Variants in PRH1 observed in about 807,000 individuals in gnomAD.
The protein encoded by PRH1 is salivary acidic proline-rich phosphoprotein 1/2.
Under a neutral mutation model 7.9 loss-of-function variants are expected in PRH1, and 7 were observed. The observed-to-expected ratio is 0.89, with a 90% CI of 0.50 to 1.67. The LOEUF (loss-of-function observed/expected upper bound fraction) is 1.67, where lower values mean the gene tolerates loss of function less well. Among genes scored for constraint, PRH1 ranks in the 40% most tolerant of loss-of-function variants. PRH1 has a pLI of 0.00. For synonymous variants in PRH1, 45 were observed against 80.8 expected, an observed-to-expected ratio of 0.56 and a Z score of 2.38; for missense variants, 109 against 223.6, an observed-to-expected ratio of 0.49 and a Z score of 3.27.
intron 1 of PRH1, among the ~76,000 whole-genome samples, chr12:11,154,774 T>C (rs1947203095): frequency 6.6e-6 from 1 of 152,120 alleles, no homozygotes; most frequent in South Asian, 2.1e-4. Context: ...CTTTTAAAAA[T>C]TGCATTTCTT....
rs563069798 is a variant in PRH1, at chr12:11,064,865, G to A, written n.124-17677C>T. 2.0e-5 allele frequency among the ~76,000 whole-genome samples: 3 copies of A among 152,014 alleles called. No individual in the cohort carries two copies. In the South Asian group the frequency reaches 6.2e-4, roughly 32 times the overall value. On this transcript the variant is annotated intron_variant and non_coding_transcript_variant, in intron 1 of 4. Transcript: ENST00000541977. ...AGGAACACCCAGGAGTTCAAGACCA[G>A]CCTGTGCAACACAGCGAAACTGTGT...
At chr12:10,969,639 G>GT (rs912408643) in intron 2 of PRH1, among the ~76,000 whole-genome samples, 1 of 151,086 alleles carries the variant, frequency 6.6e-6, no homozygotes, top group Non-Finnish European at 1.5e-5. Flanking sequence ...TGGTTTTTCT[G>GT]TTTTTTTGTT....
intron 2 of PRH1, among the ~76,000 whole-genome samples, chr12:10,956,165 A>C (rs1937944944): frequency 6.6e-6 from 1 of 152,172 alleles, no homozygotes; most frequent in South Asian, 2.1e-4. Context: ...AGATTTAAAA[A>C]AAACACTCCA....
chr12:10,985,681 A>G (rs181812383), intron 1 of PRH1, among the ~76,000 whole-genome samples: 1 of 152,270 alleles, frequency 6.6e-6, no homozygotes, highest in African/African-American at 2.4e-5. Flanking sequence ...CATATTTTCT[A>G]TAATTTGGCA....
chr12:10,926,146 CA>C (rs1950119629), intron 2 of PRH1, among the ~76,000 whole-genome samples: 1 of 152,060 alleles, frequency 6.6e-6, no homozygotes, highest in Non-Finnish European at 1.5e-5. Flanking sequence ...AGTTTTTAGA[CA>C]AGTCAAAGCA....
At chr12:10,936,020 A>T (rs183590396) in intron 2 of PRH1, among the ~76,000 whole-genome samples, 7 of 152,208 alleles carry the variant, frequency 4.6e-5, no homozygotes, top group African/African-American at 1.4e-4. Flanking sequence ...GGGGTAATGG[A>T]GTAGGCTCTG....
intron 1 of PRH1, among the ~76,000 whole-genome samples, chr12:11,100,215 T>C (rs1247163923): frequency 1.3e-5 from 2 of 152,174 alleles, no homozygotes; most frequent in African/African-American, 4.8e-5. Context: ...AACAGTCAAC[T>C]AACCCTTATA....
intron 2 of PRH1, among the ~76,000 whole-genome samples, chr12:10,925,569 A>G (rs1179587401): frequency 6.6e-6 from 1 of 152,250 alleles, no homozygotes; most frequent in Non-Finnish European, 1.5e-5. Flanking sequence ...CAAAAAACGA[A>G]TAAATTTGTA....
intron 1 of PRH1, among the ~76,000 whole-genome samples, chr12:11,024,918 T>C (rs942562193): frequency 2.0e-5 from 3 of 152,248 alleles, no homozygotes; most frequent in Non-Finnish European, 4.4e-5. Flanking sequence ...TTTATTGCTA[T>C]TTGCATATAT....
chr12:11,026,939 T>C (rs1941945036), intron 1 of PRH1, among the ~76,000 whole-genome samples: 2 of 152,234 alleles, frequency 1.3e-5, no homozygotes, highest in African/African-American at 4.8e-5. Context: ...TTAATTTACA[T>C]TTTTTAAAAC....
chr12:11,091,320 C>G, intron 1 of PRH1: 1 of 1,245,866 alleles, frequency 8.0e-7, no homozygotes, highest in South Asian at 1.2e-5. Flanking sequence ...GAAGTCTTCT[C>G]TCCTTTCACC....
At chr12:10,932,016 T>C (rs1165856162) in intron 2 of PRH1, among the ~76,000 whole-genome samples, 1 of 152,212 alleles carries the variant, frequency 6.6e-6, no homozygotes, top group Non-Finnish European at 1.5e-5. Flanking sequence ...ATAATCGTTT[T>C]TCGTCCTCAT....
chr12:11,136,245 T>C (rs1946550529), intron 1 of PRH1, among the ~76,000 whole-genome samples: 1 of 152,374 alleles, frequency 6.6e-6, no homozygotes, highest in South Asian at 2.1e-4. Context: ...CTACATGTTC[T>C]TGTTGTTTGT....
intron 1 of PRH1, among the ~76,000 whole-genome samples, chr12:11,143,594 C>T (rs897242436): frequency 2.0e-5 from 3 of 152,008 alleles, no homozygotes; most frequent in Non-Finnish European, 2.9e-5. Flanking sequence ...ATAAGAAACA[C>T]AATTCGCCTA....
chr12:11,103,560 G>A (rs909212861), intron 1 of PRH1, among the ~76,000 whole-genome samples: 4 of 151,498 alleles, frequency 2.6e-5, no homozygotes, highest in Non-Finnish European at 5.9e-5. Flanking sequence ...GAGGAGGGAG[G>A]GATAGCATTA....
intron 2 of PRH1, among the ~76,000 whole-genome samples, chr12:10,916,797 C>T (rs1949977934): frequency 6.6e-6 from 1 of 151,916 alleles, no homozygotes; most frequent in Non-Finnish European, 1.5e-5. Flanking sequence ...CCTCTAATCC[C>T]AGCATTTTGG....
intron 1 of PRH1, among the ~76,000 whole-genome samples, chr12:11,093,727 T>C (rs1459610971): frequency 8.7e-6 from 1 of 115,338 alleles, no homozygotes; most frequent in East Asian, 2.1e-4. Flanking sequence ...AATTCAATCA[T>C]TTCACTTATT....
intron 1 of PRH1, among the ~76,000 whole-genome samples, chr12:11,128,553 T>A (rs1242350962): frequency 6.6e-6 from 1 of 152,176 alleles, no homozygotes; most frequent in East Asian, 1.9e-4. Flanking sequence ...AAATCCAGCA[T>A]GGCCAACATG....
chr12:10,934,415 G>A lies in PRH1; in HGVS notation c.-59+39240C>T, dbSNP rs185601387. On this transcript the variant is annotated intron_variant, in intron 2 of 3. Coordinates refer to the PRH1 transcript ENST00000539853. Reference sequence around the variant, plus strand: ...TTCACATCTTGACCCAGTCAATTCCGTTCACCAGTGTTATGAATCCATTCC... The same window carrying A: ...TTCACATCTTGACCCAGTCAATTCCATTCACCAGTGTTATGAATCCATTCC... Among the ~76,000 whole-genome samples the A allele has an allele frequency of 2.2e-3, 332 of 152,142 alleles. 3 individuals are homozygous for A. Among genetic ancestry groups the A allele is most frequent in the Middle Eastern group, 0.01 (3 of 294 alleles).
Sources: allele counts gnomAD v4.1 joint callset (sites outside exome capture counted in the v4.1 genomes callset), GRCh38; gene constraint gnomAD v4.1.1; transcripts MANE v1.5; gene names NCBI Gene and HGNC (gene_info 2026-07-23, HGNC 2026-07-21).